Variants in ZBTB7C observed in about 807,000 individuals in gnomAD.
ZBTB7C encodes the protein zinc finger and BTB domain containing 7C, also known as zinc finger and BTB domain-containing protein 7C.
A neutral mutation model predicts 25.7 loss-of-function variants in ZBTB7C; 8 were observed. That is an observed-to-expected ratio of 0.31 (90% CI 0.18 to 0.56). ZBTB7C has a LOEUF of 0.56. Ranked by LOEUF, ZBTB7C falls within the 20% of genes least tolerant of loss-of-function variation. The pLI, the probability that ZBTB7C is intolerant of heterozygous loss-of-function variation, is 0.91. For synonymous variants in ZBTB7C, 394 were observed against 369.0 expected, an observed-to-expected ratio of 1.07 and a Z score of -0.78; for missense variants, 824 against 855.2, an observed-to-expected ratio of 0.96 and a Z score of 0.46.
intron 3 of ZBTB7C, among the ~76,000 whole-genome samples, chr18:48,158,369 C>T (rs904370231): frequency 3.3e-5 from 5 of 152,174 alleles, no homozygotes; most frequent in African/African-American, 1.2e-4. Context: ...CTTCCCAAAG[C>T]CACCGACACA....
intron 2 of ZBTB7C, among the ~76,000 whole-genome samples, chr18:48,236,972 A>C (rs1311659415): frequency 6.6e-6 from 1 of 152,186 alleles, no homozygotes; most frequent in South Asian, 2.1e-4. Context: ...AACCATCCTG[A>C]GAAATGGGAG....
intron 3 of ZBTB7C, among the ~76,000 whole-genome samples, chr18:48,069,443 A>G (rs1306560993): frequency 6.6e-6 from 1 of 152,016 alleles, no homozygotes; most frequent in Non-Finnish European, 1.5e-5. Context: ...TCCTTGAGTT[A>G]TTTCTCCCTT....
intron 2 of ZBTB7C, among the ~76,000 whole-genome samples, chr18:48,229,763 G>C (rs969420169): frequency 6.6e-6 from 1 of 152,214 alleles, no homozygotes; most frequent in Non-Finnish European, 1.5e-5. Context: ...AGGAAGACGT[G>C]GGGGAGTTGG....
chr18:48,087,044 A>C (rs2038216334), intron 3 of ZBTB7C, among the ~76,000 whole-genome samples: 1 of 152,240 alleles, frequency 6.6e-6, no homozygotes, highest in Non-Finnish European at 1.5e-5. Flanking sequence ...CCAGATGAGA[A>C]CACTGAAAGT....
intron 1 of ZBTB7C, among the ~76,000 whole-genome samples, chr18:48,340,548 T>C (rs992664726): frequency 9.9e-5 from 15 of 152,138 alleles, no homozygotes; most frequent in African/African-American, 3.6e-4. Context: ...GAGAAGAAAC[T>C]ACACTCTTAA....
intron 2 of ZBTB7C, among the ~76,000 whole-genome samples, chr18:48,263,645 C>T (rs1281153774): frequency 6.6e-6 from 1 of 150,384 alleles, no homozygotes; most frequent in Non-Finnish European, 1.5e-5. Flanking sequence ...ACACTGGGAA[C>T]TGTGTCTATT....
intron 2 of ZBTB7C, among the ~76,000 whole-genome samples, chr18:48,237,924 C>T (rs913807615): frequency 2.0e-5 from 3 of 152,154 alleles, no homozygotes; most frequent in African/African-American, 7.2e-5. Flanking sequence ...AAATGAACTA[C>T]AACTGCATAC....
chr18:48,266,968 T>G (rs1166634827), intron 2 of ZBTB7C, among the ~76,000 whole-genome samples: 1 of 152,192 alleles, frequency 6.6e-6, no homozygotes, highest in Non-Finnish European at 1.5e-5. Flanking sequence ...CCCCATTCCT[T>G]TAAAGGATTA....
intron 1 of ZBTB7C, among the ~76,000 whole-genome samples, chr18:48,342,884 A>C (rs1389733647): frequency 6.6e-6 from 1 of 152,186 alleles, no homozygotes; most frequent in Non-Finnish European, 1.5e-5. Flanking sequence ...AACAACAAGC[A>C]GATATAAAAT....
intron 3 of ZBTB7C, among the ~76,000 whole-genome samples, chr18:48,075,090 T>C (rs2037710484): frequency 6.6e-6 from 1 of 152,218 alleles, no homozygotes; most frequent in Non-Finnish European, 1.5e-5. Flanking sequence ...AAGAGGCGTT[T>C]GGCAATTTCC....
upstream of ZBTB7C, among the ~76,000 whole-genome samples, chr18:48,411,320 T>C (rs368278855): frequency 2.1e-4 from 32 of 152,324 alleles, no homozygotes; most frequent in African/African-American, 7.2e-4. Context: ...CACATGTAAA[T>C]CTAGGATAGT....
At chr18:48,367,373 A>ATATATATATATATATATAT (rs757386700) in intron 1 of ZBTB7C, among the ~76,000 whole-genome samples, 5 of 96,474 alleles carry the variant, frequency 5.2e-5, no homozygotes, top group African/African-American at 1.3e-4. Context: ...TATATATATA[A>ATATATATATATATATATAT]AATACAAACA....
chr18:48,059,450 C>T (rs2144311764), intron 3 of ZBTB7C, among the ~76,000 whole-genome samples: 1 of 152,196 alleles, frequency 6.6e-6, no homozygotes, highest in East Asian at 1.9e-4. Context: ...AGAATGCCTG[C>T]AACCTCCCCA....
chr18:48,307,696 A>C (rs1241503670), intron 2 of ZBTB7C, among the ~76,000 whole-genome samples: 1 of 152,106 alleles, frequency 6.6e-6, no homozygotes, highest in Non-Finnish European at 1.5e-5. Context: ...AAAAATACAA[A>C]AATTAGCTGG....
intron 2 of ZBTB7C, among the ~76,000 whole-genome samples, chr18:48,328,947 C>T (rs1474640304): frequency 2.0e-5 from 3 of 152,168 alleles, no homozygotes; most frequent in South Asian, 2.1e-4. Flanking sequence ...AACCATTAAC[C>T]GTAAATCAAA....
chr18:48,173,328 T>G (rs73431364), intron 3 of ZBTB7C, among the ~76,000 whole-genome samples: 3,641 of 152,258 alleles, frequency 0.024, 142 homozygotes, highest in African/African-American at 0.084. Flanking sequence ...CTCTGGGAAG[T>G]GGCTGTTATC....
At chr18:48,304,744 G>A (rs2045628838) in intron 2 of ZBTB7C, among the ~76,000 whole-genome samples, 1 of 150,648 alleles carries the variant, frequency 6.6e-6, no homozygotes, top group Admixed American at 6.7e-5. Context: ...AGGAAGCTGA[G>A]GAAGGAGAAT....
intron 3 of ZBTB7C, among the ~76,000 whole-genome samples, chr18:48,102,930 G>T (rs1206774774): frequency 6.6e-6 from 1 of 151,572 alleles, no homozygotes; most frequent in Non-Finnish European, 1.5e-5. Context: ...CCTGTTGTTT[G>T]GTTTTCAATT....
chr18:48,255,957 C>T (rs2044009204), intron 2 of ZBTB7C, among the ~76,000 whole-genome samples: 1 of 151,874 alleles, frequency 6.6e-6, no homozygotes, highest in South Asian at 2.1e-4. Flanking sequence ...CAAAAAGAAA[C>T]ACATAGAGAA....
Sources: allele counts gnomAD v4.1 joint callset (sites outside exome capture counted in the v4.1 genomes callset), GRCh38; gene constraint gnomAD v4.1.1; transcripts MANE v1.5; gene names NCBI Gene and HGNC (gene_info 2026-07-23, HGNC 2026-07-21).